The following DYNC1H1 variants were observed in gnomAD, a reference collection of about 807,000 sequenced individuals.
The protein encoded by DYNC1H1 is cytoplasmic dynein 1 heavy chain 1.
Under a neutral mutation model 527.1 loss-of-function variants are expected in DYNC1H1, and 51 were observed. The observed-to-expected ratio is 0.10, with a 90% CI of 0.08 to 0.12. The LOEUF is 0.12. Ranked by LOEUF, DYNC1H1 falls within the 10% of genes least tolerant of loss-of-function variation. The pLI is 1.00. For synonymous variants in DYNC1H1, 2,189 were observed against 2,278.8 expected, an observed-to-expected ratio of 0.96 and a Z score of 1.12; for missense variants, 2,771 against 5,971.8, an observed-to-expected ratio of 0.46 and a Z score of 17.66.
intron 63 of DYNC1H1, 85 bp from the exon 64 acceptor site, chr14:102,040,513 T>G (rs1267118099): frequency 1.2e-6 from 2 of 1,609,846 alleles, no homozygotes; most frequent in East Asian, 4.5e-5. Flanking sequence ...GTGTCTGCGC[T>G]CTCGCGTCAG....
Position 101,986,652 on chromosome 14 carries a change from A to T in DYNC1H1, c.2427A>T (p.Lys809Asn). The T allele has an allele frequency of 6.2e-7, 1 of 1,613,214 alleles. No individual in the cohort carries two copies. The highest frequency in any genetic ancestry group is 8.5e-7 in the Non-Finnish European group (1 of 1,179,164). Residue 809 changes from lysine (K) to asparagine (N), a missense_variant, in exon 8 of 78, where the codon AAA (lysine) becomes AAT (asparagine). By Grantham distance (94) the Lys-to-Asn change is moderately conservative. Transcript: ENST00000360184. The surrounding 1 kb of genome is among the most constrained non-coding windows in gnomAD (Gnocchi z 8.7). ...TTTCCCTTTTGGTGGCTGGCTTGAA[A>T]AAGGAAGTGCAGGCCCTGATCGCAG... ...NTISLLVAGL[K>N]KEVQALIAEG...
In DYNC1H1 at chr14:102,036,151, G is replaced by A. The variant is rs756486035; in HGVS notation, c.10755-338G>A. 1.9e-5 allele frequency: 6 copies of A among 315,096 alleles called. No individual in the cohort carries two copies. Among genetic ancestry groups the A allele is most frequent in the Non-Finnish European group, 3.1e-5 (5 of 160,840 alleles). The allele number at this position is 315,096 out of a possible 1,614,324, so 19.5% of individuals were successfully genotyped here. A position where few individuals can be genotyped will look rare whatever the true frequency, so the allele number is the denominator to read the frequency against. ...GCTGCGACATCATTGATGTTGATAC[G>A]TGCTGTCTAGAAGGATCGTAAACAT... On this transcript the variant is annotated intron_variant, in intron 56 of 77. Coordinates refer to ENST00000360184, the MANE Select transcript of DYNC1H1 (RefSeq NM_001376.5). This position sits in a 1 kb window ranked among gnomAD's most constrained non-coding sequence, Gnocchi z 5.6.
intron 15 of DYNC1H1, among the ~76,000 whole-genome samples, chr14:101,995,564 T>C (rs2048050556): frequency 6.6e-6 from 1 of 151,178 alleles, no homozygotes; most frequent in South Asian, 2.1e-4. Context: ...TGAGCCGAAA[T>C]TGTGCCACTG....
Position 102,038,014 on chromosome 14 carries a change from TTTTTTA to T in DYNC1H1, c.10909-441_10909-436del. ...AGTGTGACTAGGAACTGAGTTTTAA[TTTTTTA>T]TTTTATGTTTTTTTGAGACAGAGTG... On this transcript the variant is annotated intron_variant, in intron 57 of 77. Coordinates refer to ENST00000360184, the MANE Select transcript of DYNC1H1 (RefSeq NM_001376.5). The surrounding 1 kb of genome is among the most constrained non-coding windows in gnomAD (Gnocchi z 7.2). 1 of 310,808 alleles carries T rather than the reference TTTTTTA, an allele frequency of 3.2e-6. No homozygotes were observed. The highest frequency in any genetic ancestry group is 3.0e-5 in the South Asian group (1 of 33,696). The allele number at this position is 310,808 out of a possible 1,614,324, so 19.3% of individuals were successfully genotyped here.
chr14:102,048,441 G>T lies in DYNC1H1; in HGVS notation c.13219-75G>T. ...CTCTGGGGCTCTCCCCGGAGGCCGA[G>T]TTACTTCTGTTTGACCTTTACACTG... On this transcript the variant is annotated intron_variant, in intron 73 of 77. Transcript: ENST00000360184. The T allele has an allele frequency of 4.4e-6, 7 of 1,602,936 alleles. No individual in the cohort carries two copies. In the South Asian group the frequency reaches 7.8e-5, roughly 18 times the overall value.
chr14:102,046,819 G>C (rs2048726292), intron 72 of DYNC1H1, among the ~76,000 whole-genome samples: 1 of 149,132 alleles, frequency 6.7e-6, no homozygotes, highest in African/African-American at 2.5e-5. Flanking sequence ...TTTGCTTTGA[G>C]ACTGAGTCTT....
In DYNC1H1 at chr14:102,011,147, A is replaced by C. The variant is rs1366433930; in HGVS notation, c.6618+195A>C. 2 of 658,932 alleles carry C rather than the reference A, an allele frequency of 3.0e-6. No individual in the cohort carries two copies. Among genetic ancestry groups the C allele is most frequent in the Non-Finnish European group, 2.7e-6 (1 of 372,486 alleles). 40.8% of individuals were successfully genotyped at this position (658,932 alleles called of 1,614,324 possible). A position where few individuals can be genotyped will look rare whatever the true frequency, so the allele number is the denominator to read the frequency against. ...TTTAAATGAAGAGGAAACAATACTT[A>C]ACCTGAAAATTTTACATGATACAGT... is the stretch of plus-strand genomic sequence containing the variant. On this transcript the variant is annotated intron_variant, in intron 32 of 77. Transcript: ENST00000360184. The surrounding 1 kb of genome is among the most constrained non-coding windows in gnomAD (Gnocchi z 5.3).
chr14:102,041,932 C>T lies in DYNC1H1; in HGVS notation c.12103-81C>T. 1 of 1,542,850 alleles carries T rather than the reference C, an allele frequency of 6.5e-7. No homozygotes were observed. The highest frequency in any genetic ancestry group is 8.9e-7 in the Non-Finnish European group (1 of 1,121,818). ...CCAGAAAGAACATCTTCTCAGGCCC[C>T]TCACTCGGGGCTCTCCTTTCCCTTG... On this transcript the variant is annotated intron_variant, in intron 65 of 77. Coordinates refer to ENST00000360184, the MANE Select transcript of DYNC1H1 (RefSeq NM_001376.5). The surrounding 1 kb of genome is among the most constrained non-coding windows in gnomAD (Gnocchi z 4.5).
At chr14:101,993,299 A>G (rs2048019666) in intron 11 of DYNC1H1, among the ~76,000 whole-genome samples, 1 of 151,540 alleles carries the variant, frequency 6.6e-6, no homozygotes, top group African/African-American at 2.4e-5. Flanking sequence ...ATTCCCTCCT[A>G]TCTGTTCTCT....
Position 102,006,120 on chromosome 14 carries a change from A to G in DYNC1H1, c.5666A>G (p.Tyr1889Cys), listed in dbSNP as rs1203144221. The G allele has an allele frequency of 1.2e-6, 2 of 1,614,244 alleles. No homozygotes were observed. The highest frequency in any genetic ancestry group is 1.1e-5 in the South Asian group (1 of 91,086). ...LVQTPLTDRCYLTMTQALEAR... is the reference protein window; with the variant it reads ...LVQTPLTDRCCLTMTQALEAR... ...CAGACCCCCCTCACTGACCGCTGCT[A>G]TTTGACAATGACACAAGCCTTGGAG... is the stretch of plus-strand genomic sequence containing the variant. The change falls in exon 27 of 78, where the codon TAT becomes TGT. Residue 1889 changes from tyrosine (Y) to cysteine (C), a missense_variant. Physicochemically the swap from Tyr to Cys is radical, Grantham distance 194. Around this residue, in one of 32 missense-constraint regions of DYNC1H1, gnomAD observed 64 missense variants for 143.4 expected, o/e 0.45. Transcript: ENST00000360184.
In DYNC1H1 at chr14:102,044,740, AGGGTCCCCTCACGCGGGGTGGGTGGCG is replaced by A. The variant is rs758494236; in HGVS notation, c.13006+43_13006+69del. The A allele has an allele frequency of 6.4e-6, 9 of 1,397,026 alleles. No individual in the cohort carries two copies. Among genetic ancestry groups the A allele is most frequent in the South Asian group, 5.4e-5 (4 of 74,538 alleles). 86.5% of individuals were successfully genotyped at this position (1,397,026 alleles called of 1,614,324 possible). A position where few individuals can be genotyped will look rare whatever the true frequency, so the allele number is the denominator to read the frequency against. On this transcript the variant is annotated intron_variant, in intron 72 of 77. Transcript: ENST00000360184. The surrounding 1 kb of genome is among the most constrained non-coding windows in gnomAD (Gnocchi z 7.1). Reference sequence around the variant, plus strand: ...CTCCCCACACGCAGGGTGGGTGGCGAGGGTCCCCTCACGCGGGGTGGGTGGCGAGGGTCCCCACACGCAGGGTGAGTG... The same window carrying A: ...CTCCCCACACGCAGGGTGGGTGGCGAAGGGTCCCCACACGCAGGGTGAGTG...
At chr14:101,984,661 G>T (rs538400879) in intron 7 of DYNC1H1, among the ~76,000 whole-genome samples, 2 of 150,404 alleles carry the variant, frequency 1.3e-5, no homozygotes, top group Admixed American at 1.3e-4. Flanking sequence ...GGCCGGGCGC[G>T]GTGGCTCACG....
chr14:102,009,424 G>A (rs924521120), intron 29 of DYNC1H1: 6 of 217,704 alleles, frequency 2.8e-5, no homozygotes, highest in Middle Eastern at 2.0e-3. Flanking sequence ...GTGCTTGGAG[G>A]TTTGGGTTTT....
At chr14:101,970,333 G>A (rs1398492819) in intron 1 of DYNC1H1, among the ~76,000 whole-genome samples, 1 of 151,982 alleles carries the variant, frequency 6.6e-6, no homozygotes, top group African/African-American at 2.4e-5. Flanking sequence ...GGATGAAAGG[G>A]TGGACATGCA....
Position 102,038,956 on chromosome 14 carries a change from C to G in DYNC1H1, c.11207-45C>G, listed in dbSNP as rs2048609812. The G allele has an allele frequency of 6.8e-6, 11 of 1,613,876 alleles. No homozygotes were observed. The highest frequency in any genetic ancestry group is 7.6e-6 in the Non-Finnish European group (9 of 1,180,020). ...GTGGCAAACACTTCTGAGAGCATACCTTTTGAAGGATTATTGCAAACTCTG... is the reference window on the plus strand; with the variant it reads ...GTGGCAAACACTTCTGAGAGCATACGTTTTGAAGGATTATTGCAAACTCTG... On this transcript the variant is annotated intron_variant, in intron 59 of 77. Transcript: ENST00000360184. This position sits in a 1 kb window ranked among gnomAD's most constrained non-coding sequence, Gnocchi z 7.2.
At chr14:102,007,970 C>T (rs945673247) in intron 28 of DYNC1H1, among the ~76,000 whole-genome samples, 3 of 152,204 alleles carry the variant, frequency 2.0e-5, no homozygotes, top group Non-Finnish European at 4.4e-5. Context: ...GGTTCCTCCT[C>T]CTCTTCTTAG....
Position 102,020,194 on chromosome 14 carries a change from G to T in DYNC1H1, c.8507+138G>T, listed in dbSNP as rs2048369223. The T allele has an allele frequency of 8.4e-7, 1 of 1,197,240 alleles. No individual in the cohort carries two copies. The highest frequency in any genetic ancestry group is 1.2e-6 in the Non-Finnish European group (1 of 838,216). The allele number at this position is 1,197,240 out of a possible 1,614,324, so 74.2% of individuals were successfully genotyped here. On this transcript the variant is annotated intron_variant, in intron 42 of 77. Coordinates refer to ENST00000360184, the MANE Select transcript of DYNC1H1 (RefSeq NM_001376.5). The surrounding 1 kb of genome is among the most constrained non-coding windows in gnomAD (Gnocchi z 4.3). ...GCCAGTGGTGGAAGGAGCAGAGTCA[G>T]CCAGGGCAGCCTCCCGTCTGGACAC...
In DYNC1H1 at chr14:102,050,549, T is replaced by C. The variant is rs763773412; in HGVS notation, c.13927T>C (p.Leu4643=). The C allele has an allele frequency of 5.0e-6, 8 of 1,614,240 alleles. No individual in the cohort carries two copies. The South Asian group carries it at 7.7e-5, about 16-fold the overall frequency. Residue 4643 remains leucine, a synonymous_variant, in exon 78 of 78, where the codon TTG becomes CTG. Transcript: ENST00000360184. ...CTTCTACGAGCGGGGTGTCGCAGTCTTGTGCACAGAGTAAACTTTTCTAGC... is the reference window on the plus strand; with the variant it reads ...CTTCTACGAGCGGGGTGTCGCAGTCCTGTGCACAGAGTAAACTTTTCTAGC... The part of the protein sequence containing the change: ...RSFYERGVAV[L]CTE
chr14:101,993,908 CAGAT>C (rs1303649013), intron 11 of DYNC1H1, among the ~76,000 whole-genome samples: 3 of 152,332 alleles, frequency 2.0e-5, no homozygotes, highest in Admixed American at 1.3e-4. Context: ...AACAGGCACT[CAGAT>C]AGTTAAAATG....
Sources: gnomAD v4.1 joint callset for allele counts (sites outside exome capture counted in the v4.1 genomes callset) on GRCh38, gnomAD v4.1.1 for gene constraint, gnomAD v4.1.1 regional missense constraint, Gnocchi (gnomAD v3.1) non-coding constraint, MANE v1.5 for transcripts, NCBI Gene and HGNC (gene_info 2026-07-23, HGNC 2026-07-21) for gene names.